Variants in SCAP observed in about 807,000 individuals in gnomAD.
The protein encoded by SCAP is SREBF chaperone, also known as sterol regulatory element-binding protein cleavage-activating protein.
Under a neutral mutation model 123.6 loss-of-function variants are expected in SCAP, and 65 were observed. The ratio of observed to expected loss-of-function variants is 0.53; its 90% CI spans 0.43 to 0.65. The LOEUF is 0.65. Ranked by LOEUF, SCAP falls within the 30% of genes least tolerant of loss-of-function variation. SCAP has a pLI of 0.00. For synonymous variants in SCAP, 740 were observed against 726.3 expected (o/e 1.02, Z -0.30); for missense variants, 1,398 against 1,712.5 (o/e 0.82, Z 3.24).
chr3:47,421,214 CA>C, intron 10 of SCAP, 185 bp from the exon 11 acceptor site: 1 of 626,098 alleles, frequency 1.6e-6, no homozygotes, highest in South Asian at 1.9e-5. Flanking sequence ...CCGTCTCCAC[CA>C]GGGGGCAGAA....
intron 2 of SCAP, among the ~76,000 whole-genome samples, chr3:47,438,834 A>T (rs1308492844): frequency 1.3e-5 from 2 of 151,614 alleles, no homozygotes; most frequent in Non-Finnish European, 2.9e-5. Flanking sequence ...AAAAAAAAAA[A>T]TTTTAGGCTG....
At chr3:47,462,753 CAAAAAAAAAAAAAA>C (rs369097240) in intron 1 of SCAP, among the ~76,000 whole-genome samples, 4 of 79,648 alleles carry the variant, frequency 5.0e-5, no homozygotes, top group Non-Finnish European at 7.5e-5. Context: ...AACTCCGTCT[CAAAAAAAAAAAAAA>C]AAAAAAAGAA....
At chr3:47,435,284 C>A in intron 2 of SCAP, 147 bp from the exon 3 acceptor site, 2 of 938,034 alleles carry the variant, frequency 2.1e-6, no homozygotes, top group Non-Finnish European at 3.0e-6. Flanking sequence ...AATTGCAAAG[C>A]TGAAACTCAG....
intron 1 of SCAP, among the ~76,000 whole-genome samples, chr3:47,471,326 T>C (rs1451856439): frequency 1.3e-5 from 2 of 152,162 alleles, no homozygotes; most frequent in Admixed American, 6.6e-5. Context: ...GAAGGAAATG[T>C]GTTATGTATT....
intron 2 of SCAP, among the ~76,000 whole-genome samples, chr3:47,437,696 C>T (rs1205622790): frequency 6.6e-6 from 1 of 152,004 alleles, no homozygotes; most frequent in Non-Finnish European, 1.5e-5. Flanking sequence ...AAGCCATGAT[C>T]ATGCCACTGC....
At chr3:47,428,970 C>A in intron 3 of SCAP, 1 of 319,962 alleles carries the variant, frequency 3.1e-6, no homozygotes. Context: ...ATTTCCACTG[C>A]CATGTTTCAT....
At chr3:47,434,576 G>A (rs1706493583) in intron 3 of SCAP, among the ~76,000 whole-genome samples, 2 of 152,234 alleles carry the variant, frequency 1.3e-5, no homozygotes, top group Non-Finnish European at 1.5e-5. Flanking sequence ...GGTGGCTCAC[G>A]CCTGTAATCC....
intron 17 of SCAP, 28 bp from the exon 18 acceptor site, chr3:47,417,235 G>T: frequency 6.2e-7 from 1 of 1,612,586 alleles, no homozygotes; most frequent in Non-Finnish European, 8.5e-7. Flanking sequence ...GTGAGCACCT[G>T]CCAGCCAGAA....
intron 2 of SCAP, among the ~76,000 whole-genome samples, chr3:47,440,044 C>G (rs1466849445): frequency 6.6e-6 from 1 of 152,216 alleles, no homozygotes; most frequent in African/African-American, 2.4e-5. Flanking sequence ...TGTACTTTCC[C>G]TGGGGTGACC....
At chr3:47,424,346 G>C (rs1706031561) in intron 8 of SCAP, among the ~76,000 whole-genome samples, 1 of 152,244 alleles carries the variant, frequency 6.6e-6, no homozygotes, top group South Asian at 2.1e-4. Context: ...GCCACTGCTA[G>C]ACCACACTTC....
At chr3:47,417,995 G>C (rs1332351433) in intron 16 of SCAP, 139 bp downstream of exon 16, 34 of 569,646 alleles carry the variant, frequency 6.0e-5, no homozygotes, top group Admixed American at 4.0e-4. Context: ...GTGGGAGGGG[G>C]TGCGGGGGTG....
At position 47,418,763 on chromosome 3, in the gene SCAP, T is replaced by A; in HGVS notation, c.2021A>T (p.Asp674Val). 1 of 1,580,412 alleles carries A rather than the reference T, an allele frequency of 6.3e-7. No individual in the cohort carries two copies. The highest frequency in any genetic ancestry group is 1.2e-5 in the South Asian group (1 of 86,376). The change falls in exon 14 of 23, where the codon GAC (aspartate) becomes GTC (valine). Residue 674 changes from aspartate to valine, a missense_variant. Asp to Val is a radical substitution (Grantham distance 152). Around this residue, in one of 7 missense-constraint regions of SCAP, gnomAD observed 828 missense variants for 882.5 expected, o/e 0.94. Transcript: ENST00000265565. ...REALEGRHPQDGRSAWPPPGP... is the reference protein window; with the variant it reads ...REALEGRHPQVGRSAWPPPGP... Reference sequence around the variant, plus strand: ...CGGTGGGGGCCAGGCACTGCGGCCGTCCTGAGGGTGCCGGCCCTCCAGAGC... The same window carrying A: ...CGGTGGGGGCCAGGCACTGCGGCCGACCTGAGGGTGCCGGCCCTCCAGAGC...
intron 10 of SCAP, among the ~76,000 whole-genome samples, 179 bp downstream of exon 10, chr3:47,422,263 G>A (rs1347730357): frequency 6.6e-6 from 1 of 152,266 alleles, no homozygotes; most frequent in Non-Finnish European, 1.5e-5. Context: ...GCACTTCTGA[G>A]CCAGGCATGC....
intron 16 of SCAP, 70 bp from the exon 17 acceptor site, chr3:47,417,896 T>TGACGG: frequency 4.4e-6 from 1 of 229,278 alleles, no homozygotes; most frequent in Non-Finnish European, 7.6e-6. Flanking sequence ...GGGACGGGGG[T>TGACGG]GAGAGGGGGC....
At position 47,422,432 on chromosome 3, in the gene SCAP, G is replaced by A. The variant is rs374089255; in HGVS notation, c.1245+10C>T. 5.6e-6 allele frequency: 9 copies of A among 1,611,498 alleles called. No individual in the cohort carries two copies. In the African/African-American group the frequency reaches 1.2e-4, roughly 22 times the overall value. ...CATGCTCATCCAGGTGGCAGGCCTTGGGGCCTTACCTGGATGGCGGGCACT... is the reference window on the plus strand; with the variant it reads ...CATGCTCATCCAGGTGGCAGGCCTTAGGGCCTTACCTGGATGGCGGGCACT... On this transcript the variant is annotated intron_variant, in intron 10 of 22. Transcript: ENST00000265565.
chr3:47,431,399 CTTAACCA>C (rs1481161513), intron 3 of SCAP, among the ~76,000 whole-genome samples: 4 of 138,386 alleles, frequency 2.9e-5, no homozygotes, highest in Non-Finnish European at 6.4e-5. Context: ...CAGTGAAATT[CTTAACCA>C]AAGTCCAAAG....
At chr3:47,434,894 A>T in intron 3 of SCAP, 114 bp downstream of exon 3, 1 of 1,304,164 alleles carries the variant, frequency 7.7e-7, no homozygotes, top group Non-Finnish European at 1.1e-6. Context: ...CTGTTAAAGT[A>T]CATGAATTCA....
intron 17 of SCAP, 30 bp from the exon 18 acceptor site, chr3:47,417,237 C>A (rs772167078): frequency 6.2e-7 from 1 of 1,612,738 alleles, no homozygotes. Context: ...GAGCACCTGC[C>A]AGCCAGAAAG....
rs780557432 is a variant in SCAP at position 47,428,546 on chromosome 3, A to G, written c.377T>C (p.Val126Ala). 2.5e-6 allele frequency: 4 copies of G among 1,613,920 alleles called. No homozygotes were observed. The highest frequency in any genetic ancestry group is 3.4e-6 in the Non-Finnish European group (4 of 1,180,012). Residue 126 changes from valine (V) to alanine (A), a missense_variant, in exon 4 of 23, where the codon GTG becomes GCG. By Grantham distance (64) the Val-to-Ala change is moderately conservative. Around this residue, in one of 7 missense-constraint regions of SCAP, gnomAD observed 319 missense variants for 432.4 expected, o/e 0.74. Coordinates refer to ENST00000265565, the MANE Select transcript of SCAP (RefSeq NM_012235.4). ...CAGCACGTGGTTCCGGATCTCCTCC[A>G]CCAGTTGGAATGCCCGGGACAAAGG... is the stretch of plus-strand genomic sequence containing the variant. ...RSPLSRAFQL[V>A]EEIRNHVLRD... is the part of the protein sequence containing the mutation.
Sources: allele counts gnomAD v4.1 joint callset (sites outside exome capture counted in the v4.1 genomes callset), GRCh38; gene constraint gnomAD v4.1.1; regional missense constraint gnomAD v4.1.1; transcripts MANE v1.5; gene names NCBI Gene and HGNC (gene_info 2026-07-23, HGNC 2026-07-21).